Variants in ARMC10 observed in about 807,000 individuals in gnomAD.
ARMC10 encodes the protein armadillo repeat-containing protein 10.
A neutral mutation model predicts 30.2 loss-of-function variants in ARMC10; 23 were observed. The observed-to-expected ratio is 0.76, with a 90% CI of 0.55 to 1.08. ARMC10 has a LOEUF of 1.08. ARMC10 is among the 50% of genes least tolerant of loss of function. The pLI is 0.00. For synonymous variants in ARMC10, 111 were observed against 164.4 expected (o/e 0.68, Z 2.48); for missense variants, 303 against 413.7 (o/e 0.73, Z 2.32).
intron 2 of ARMC10, among the ~76,000 whole-genome samples, chr7:103,079,194 A>G (rs1220427301): frequency 6.6e-6 from 1 of 152,128 alleles, no homozygotes; most frequent in Non-Finnish European, 1.5e-5. Context: ...AGTCAAATCT[A>G]TCAGGGGATT....
chr7:103,075,925 C>T, intron 2 of ARMC10, 44 bp downstream of exon 2: 1 of 1,386,028 alleles, frequency 7.2e-7, no homozygotes, highest in East Asian at 2.6e-5. Context: ...GCGAGACACA[C>T]CCTCCCAGCG....
chr7:103,097,790 A>C (rs189820182), intron 6 of ARMC10, among the ~76,000 whole-genome samples: 2 of 152,336 alleles, frequency 1.3e-5, no homozygotes, highest in Admixed American at 1.3e-4. Flanking sequence ...AAAATATATA[A>C]CAAGTGAACA....
At chr7:103,084,153 A>G (rs939560064) in intron 3 of ARMC10, 51 of 654,616 alleles carry the variant, frequency 7.8e-5, no homozygotes, top group East Asian at 2.3e-4. Context: ...AATGCATCTA[A>G]CATTTAAGTA....
chr7:103,096,028 T>A (rs1387764489), intron 5 of ARMC10: 1 of 152,152 alleles, frequency 6.6e-6, no homozygotes, highest in African/African-American at 2.4e-5. Flanking sequence ...GGCACAAGTA[T>A]ACATATGTAA....
intron 5 of ARMC10, among the ~76,000 whole-genome samples, chr7:103,094,461 A>G (rs1801606533): frequency 6.6e-6 from 1 of 152,232 alleles, no homozygotes; most frequent in African/African-American, 2.4e-5. Context: ...GAATAGCAAC[A>G]TCAGATTTTA....
intron 4 of ARMC10, 126 bp from the exon 5 acceptor site, chr7:103,092,351 A>AAG (rs55739273): frequency 4.3e-6 from 2 of 469,866 alleles, no homozygotes; most frequent in African/African-American, 2.0e-5. Context: ...AAAAAAAAAA[A>AAG]GTCGTATTTT....
intron 5 of ARMC10, among the ~76,000 whole-genome samples, chr7:103,093,649 A>G (rs908864036): frequency 2.0e-5 from 3 of 150,400 alleles, no homozygotes; most frequent in Non-Finnish European, 3.0e-5. Flanking sequence ...GATAACTTCC[A>G]GCCCCTGAAC....
chr7:103,075,164 AG>A lies in ARMC10; in HGVS notation c.-107del. ...CATTTCCTTTCTCCACATCCAGGTC[AG>A]GTGGCGTTTGCTGTGGCGGCTAGGC... is the stretch of plus-strand genomic sequence containing the variant. On this transcript the variant is annotated 5_prime_UTR_variant, in exon 1 of 7. Coordinates refer to ENST00000323716, the MANE Select transcript of ARMC10 (RefSeq NM_031905.5). 1 of 744,256 alleles carries A rather than the reference AG, an allele frequency of 1.3e-6. No individual in the cohort carries two copies. Among genetic ancestry groups the A allele is most frequent in the African/African-American group, 1.9e-5 (1 of 53,300 alleles). The allele number at this position is 744,256 out of a possible 1,614,324, so 46.1% of individuals were successfully genotyped here. A position where few individuals can be genotyped will look rare whatever the true frequency, so the allele number is the denominator to read the frequency against.
At chr7:103,082,142 T>G (rs985223906) in intron 2 of ARMC10, among the ~76,000 whole-genome samples, 3 of 152,228 alleles carry the variant, frequency 2.0e-5, no homozygotes, top group African/African-American at 7.2e-5. Flanking sequence ...AAGGTGTTAA[T>G]GAGGCCAACA....
chr7:103,081,733 T>C, intron 2 of ARMC10: 1 of 357,014 alleles, frequency 2.8e-6, no homozygotes, highest in African/African-American at 2.1e-5. Flanking sequence ...TTTTGAAATA[T>C]CTCAAATATG....
Position 103,092,515 on chromosome 7 carries a change from T to C in ARMC10, c.567T>C (p.Gly189=), listed in dbSNP as rs750620875. Reference sequence around the variant, plus strand: ...AAGTATGTGAGGATGTCTTCTCTGGTCCTCTGAACTCTGCTGTGCAGCTGG... The same window carrying C: ...AAGTATGTGAGGATGTCTTCTCTGGCCCTCTGAACTCTGCTGTGCAGCTGG... The part of the protein sequence containing the change: ...ISQVCEDVFS[G]PLNSAVQLAG... The change falls in exon 5 of 7, where the codon GGT becomes GGC. Residue 189 remains glycine (G), a synonymous_variant. Coordinates refer to ENST00000323716, the MANE Select transcript of ARMC10 (RefSeq NM_031905.5). The C allele has an allele frequency of 2.5e-6, 4 of 1,600,028 alleles. No individual in the cohort carries two copies. The highest frequency in any genetic ancestry group is 3.4e-6 in the Non-Finnish European group (4 of 1,168,504).
chr7:103,083,637 C>T (rs1347724007), intron 2 of ARMC10, 45 bp from the exon 3 acceptor site: 13 of 1,546,124 alleles, frequency 8.4e-6, no homozygotes, highest in South Asian at 6.8e-5. Context: ...AAAATAACCT[C>T]GTATTGATTT....
At chr7:103,090,421 G>C (rs1025735671) in intron 4 of ARMC10, among the ~76,000 whole-genome samples, 4 of 152,336 alleles carry the variant, frequency 2.6e-5, no homozygotes, top group Admixed American at 2.6e-4. Flanking sequence ...CAACACTTGG[G>C]AGCCACGACA....
At chr7:103,093,444 G>A (rs192156301) in intron 5 of ARMC10, among the ~76,000 whole-genome samples, 2 of 152,310 alleles carry the variant, frequency 1.3e-5, no homozygotes, top group Admixed American at 6.5e-5. Context: ...GAGTCTTACT[G>A]TAGTCCTGCT....
Position 103,098,414 on chromosome 7 carries a change from CT to C in ARMC10, c.894del (p.Val299CysfsTer23), listed in dbSNP as rs1801968712. The C allele has an allele frequency of 6.2e-7, 1 of 1,613,806 alleles. No homozygotes were observed. The highest frequency in any genetic ancestry group is 8.5e-7 in the Non-Finnish European group (1 of 1,179,902). Reference sequence around the variant, plus strand: ...TGCCTCAAAATAGAAGGCCATTTAGCTGTGCAGCCTACTTTCACTGAAGGTT... The same window carrying C: ...TGCCTCAAAATAGAAGGCCATTTAGCGTGCAGCCTACTTTCACTGAAGGTT... ...KNCLKIEGHL[A>X]VQPTFTEGSL... On this transcript the variant is annotated frameshift_variant, in exon 7 of 7. Coordinates refer to ENST00000323716, the MANE Select transcript of ARMC10 (RefSeq NM_031905.5). LOFTEE classifies it low-confidence loss of function (END_TRUNC).
rs558910864 is a variant in ARMC10, at chr7:103,078,675, G to GT, written c.244+2803dup. On this transcript the variant is annotated intron_variant, in intron 2 of 6. Coordinates refer to ENST00000323716, the MANE Select transcript of ARMC10 (RefSeq NM_031905.5). The stretch of plus-strand genomic sequence containing the variant: ...TTTGTTTTTTGTTTGTTTTGTTTTT[G>GT]TTTTTTTTTGAGACGGAGTCTTGCT... 1.0e-2 allele frequency among the ~76,000 whole-genome samples: 1,502 copies of GT among 150,458 alleles called. 11 individuals are homozygous for GT. The highest frequency in any genetic ancestry group is 0.023 in the African/African-American group (923 of 41,010).
Position 103,098,791 on chromosome 7 carries a change from G to C in ARMC10, c.*238G>C, listed in dbSNP as rs1178333716. On this transcript the variant is annotated 3_prime_UTR_variant, in exon 7 of 7. Transcript: ENST00000323716. ...TCTATTTTGCTATTTGCAAATGCTT[G>C]TTATCTTCCCTACATGAAGTGGCAG... 5.4e-6 allele frequency: 2 copies of C among 371,454 alleles called. No homozygotes were observed. Among genetic ancestry groups the C allele is most frequent in the East Asian group, 8.6e-5 (2 of 23,356 alleles). 23.0% of individuals were successfully genotyped at this position (371,454 alleles called of 1,614,324 possible). A position where few individuals can be genotyped will look rare whatever the true frequency, so the allele number is the denominator to read the frequency against.
At chr7:103,086,260 CTAAATTA>C (rs1800843127) in intron 3 of ARMC10, among the ~76,000 whole-genome samples, 1 of 152,064 alleles carries the variant, frequency 6.6e-6, no homozygotes, top group African/African-American at 2.4e-5. Flanking sequence ...CTTTAGTATT[CTAAATTA>C]TAACACTTTT....
rs1563333086 is a variant in ARMC10, at chr7:103,097,326, CAGA to C, written c.758_760del (p.Glu253del). 1.2e-6 allele frequency: 2 copies of C among 1,613,178 alleles called. No individual in the cohort carries two copies. The highest frequency in any genetic ancestry group is 2.2e-5 in the East Asian group (1 of 44,876). The stretch of plus-strand genomic sequence containing the variant: ...AATTTGTCTGAAAATCCAGCCATGA[CAGA>C]AGGACTTCTCCGTGCCCAAGTAAAT... On this transcript the variant is annotated inframe_deletion, in exon 6 of 7. Transcript: ENST00000323716.
Sources: allele counts gnomAD v4.1 joint callset (sites outside exome capture counted in the v4.1 genomes callset), GRCh38; gene constraint gnomAD v4.1.1; transcripts MANE v1.5; gene names NCBI Gene and HGNC (gene_info 2026-07-23, HGNC 2026-07-21).